The following ANO3 variants were observed in gnomAD, a reference collection of about 807,000 sequenced individuals.
The protein encoded by ANO3 is anoctamin-3.
A neutral mutation model predicts 144.8 loss-of-function variants in ANO3; 99 were observed. The ratio of observed to expected loss-of-function variants is 0.68; its 90% CI spans 0.58 to 0.81. The LOEUF (loss-of-function observed/expected upper bound fraction) is 0.81. Ranked by LOEUF, ANO3 falls within the 30% of genes least tolerant of loss-of-function variation. The pLI is 0.00. For synonymous variants in ANO3, 414 were observed against 392.6 expected (o/e 1.05, Z -0.64); for missense variants, 905 against 1,202.2 (o/e 0.75, Z 3.66).
chr11:26,602,113 T>A (rs777752990), intron 17 of ANO3, among the ~76,000 whole-genome samples: 1 of 152,178 alleles, frequency 6.6e-6, no homozygotes, highest in Non-Finnish European at 1.5e-5. Flanking sequence ...CTTATTCTGA[T>A]CAGCCAAGAA....
chr11:26,650,716 C>G (rs915056273), intron 24 of ANO3, among the ~76,000 whole-genome samples: 2 of 152,120 alleles, frequency 1.3e-5, no homozygotes, highest in Non-Finnish European at 2.9e-5. Flanking sequence ...GAATAGATGC[C>G]TTTTAAATAT....
chr11:26,211,645 C>G (rs1039879819), intron 1 of ANO3, among the ~76,000 whole-genome samples: 1 of 152,122 alleles, frequency 6.6e-6, no homozygotes, highest in Non-Finnish European at 1.5e-5. Context: ...TTGTAGAAGA[C>G]AGTTTGGCAA....
At chr11:26,349,703 C>T (rs1455606839) in intron 1 of ANO3, among the ~76,000 whole-genome samples, 1 of 152,062 alleles carries the variant, frequency 6.6e-6, no homozygotes, top group Non-Finnish European at 1.5e-5. Flanking sequence ...CGCCCGCCAC[C>T]GAGCCCGGCT....
Position 26,239,666 on chromosome 11 carries a change from C to G in ANO3, c.154+50336C>G, listed in dbSNP as rs547240776. Among the ~76,000 whole-genome samples, 145 of 152,286 alleles carry G rather than the reference C, an allele frequency of 9.5e-4. 1 individual carries two copies. The highest frequency in any genetic ancestry group is 1.4e-3 in the Non-Finnish European group (95 of 68,032). On this transcript the variant is annotated intron_variant, in intron 1 of 27. Transcript: ENST00000672621. ...TTTGCTTCCTTATTAACACCTTGTC[C>G]TCCTACCTTAGCATGCCCAGCTTCT...
intron 1 of ANO3, among the ~76,000 whole-genome samples, chr11:26,397,994 T>C (rs1275406592): frequency 6.7e-6 from 1 of 150,348 alleles, no homozygotes; most frequent in Non-Finnish European, 1.5e-5. Context: ...CTTTTCTCAA[T>C]CACTATAAGG....
intron 1 of ANO3, among the ~76,000 whole-genome samples, chr11:26,347,581 T>A (rs184512754): frequency 1.3e-5 from 2 of 152,248 alleles, no homozygotes; most frequent in African/African-American, 2.4e-5. Context: ...CTCTGCTTGT[T>A]CCCATGGTGA....
chr11:26,241,152 T>G (rs1290785564), intron 1 of ANO3, among the ~76,000 whole-genome samples: 2 of 152,190 alleles, frequency 1.3e-5, no homozygotes, highest in Admixed American at 6.5e-5. Context: ...GCCTGTCACA[T>G]ACATGCAAGA....
At position 26,476,637 on chromosome 11, in the gene ANO3, TTTGGG is replaced by T. The variant is rs1162309637; in HGVS notation, c.432+13491_432+13495del. ...TGTTTTTATAAGATCACTCTGCCCC[TTTGGG>T]TGGGGAAACAATGTCGGAGGTGGGG... On this transcript the variant is annotated intron_variant, in intron 4 of 26. Transcript: ENST00000256737. 4.6e-3 allele frequency among the ~76,000 whole-genome samples: 696 copies of T among 152,088 alleles called. 1 individual carries two copies. Among genetic ancestry groups the T allele is most frequent in the African/African-American group, 0.016 (659 of 41,494 alleles).
intron 1 of ANO3, among the ~76,000 whole-genome samples, chr11:26,209,445 A>C (rs1431456045): frequency 6.6e-6 from 1 of 152,232 alleles, no homozygotes; most frequent in African/African-American, 2.4e-5. Flanking sequence ...ACAGTGCTGC[A>C]ATAAACATAT....
chr11:26,534,309 C>A, intron 8 of ANO3, 147 bp from the exon 9 acceptor site: 1 of 542,044 alleles, frequency 1.8e-6, no homozygotes, highest in African/African-American at 1.9e-5. Flanking sequence ...TTTATGAATT[C>A]TTTTTCTCTG....
At chr11:26,482,544 A>AAT (rs1190462936) in intron 4 of ANO3, among the ~76,000 whole-genome samples, 2 of 151,654 alleles carry the variant, frequency 1.3e-5, no homozygotes, top group African/African-American at 2.4e-5. Context: ...GGAAATTCAT[A>AAT]ATATATATAA....
At position 26,475,179 on chromosome 11, in the gene ANO3, C is replaced by A. The variant is rs1270915843; in HGVS notation, c.432+12031C>A. 2.6e-5 allele frequency among the ~76,000 whole-genome samples: 4 copies of A among 151,654 alleles called. No individual in the cohort carries two copies. The East Asian group carries it at 7.8e-4, about 30-fold the overall frequency. ...ATAATGAAAATTCAATTAATATTTT[C>A]TTTCCTTCTTAGTTTTTTTTATTTT... On this transcript the variant is annotated intron_variant, in intron 4 of 26. Coordinates refer to ENST00000256737, the MANE Select transcript of ANO3 (RefSeq NM_031418.4).
At chr11:26,313,685 CA>C (rs200323081) in intron 1 of ANO3, among the ~76,000 whole-genome samples, 5 of 143,512 alleles carry the variant, frequency 3.5e-5, no homozygotes, top group Admixed American at 7.0e-5. Flanking sequence ...GACTGTGTCT[CA>C]AAAAAAAATA....
At chr11:26,527,422 T>C (rs551977264) in intron 7 of ANO3, among the ~76,000 whole-genome samples, 12 of 152,164 alleles carry the variant, frequency 7.9e-5, no homozygotes, top group South Asian at 2.1e-4. Flanking sequence ...AATAAGTAAA[T>C]CTCTTTATTC....
intron 11 of ANO3, among the ~76,000 whole-genome samples, chr11:26,542,839 T>A (rs200115771): frequency 3.6e-5 from 4 of 111,544 alleles, no homozygotes; most frequent in African/African-American, 1.3e-4. Flanking sequence ...GTTAACTATA[T>A]TTATAGAATG....
chr11:26,514,112 C>T (rs1025177765), intron 5 of ANO3, among the ~76,000 whole-genome samples: 1 of 151,220 alleles, frequency 6.6e-6, no homozygotes, highest in African/African-American at 2.4e-5. Context: ...AAATGTATGC[C>T]CAGTTCAGAG....
At chr11:26,381,753 A>G (rs1295690446) in intron 1 of ANO3, among the ~76,000 whole-genome samples, 1 of 152,158 alleles carries the variant, frequency 6.6e-6, no homozygotes, top group Non-Finnish European at 1.5e-5. Flanking sequence ...ATTGCCAACA[A>G]TGTCTGGAGA....
At chr11:26,211,779 C>T (rs1174100049) in intron 1 of ANO3, among the ~76,000 whole-genome samples, 1 of 152,138 alleles carries the variant, frequency 6.6e-6, no homozygotes, top group African/African-American at 2.4e-5. Flanking sequence ...TATTGCGGCA[C>T]TATTCACAAT....
intron 4 of ANO3, among the ~76,000 whole-genome samples, chr11:26,482,353 G>T (rs954005176): frequency 6.6e-5 from 10 of 151,798 alleles, no homozygotes; most frequent in African/African-American, 2.4e-4. Context: ...TGTGATTTGG[G>T]ACTGATTTTG....
Sources: gnomAD v4.1 joint callset for allele counts (sites outside exome capture counted in the v4.1 genomes callset) on GRCh38, gnomAD v4.1.1 for gene constraint, MANE v1.5 for transcripts, NCBI Gene and HGNC (gene_info 2026-07-23, HGNC 2026-07-21) for gene names.